GRHL2: variants seen among roughly 807,000 people sequenced by gnomAD.
GRHL2 encodes grainyhead-like protein 2 homolog.
Under a neutral mutation model 83.8 loss-of-function variants are expected in GRHL2, and 21 were observed. The ratio of observed to expected loss-of-function variants is 0.25; its 90% confidence interval spans 0.18 to 0.36. The LOEUF is 0.36. Ranked by LOEUF, GRHL2 falls within the 10% of genes least tolerant of loss-of-function variation. The pLI is 1.00. For synonymous variants in GRHL2, 280 were observed against 278.9 expected, an observed-to-expected ratio of 1.00 and a Z score of -0.04; for missense variants, 623 against 781.8, an observed-to-expected ratio of 0.80 and a Z score of 2.42.
chr8:101,608,638 A>T (rs1419813711), intron 8 of GRHL2, among the ~76,000 whole-genome samples: 1 of 152,068 alleles, frequency 6.6e-6, no homozygotes, highest in Admixed American at 6.6e-5. Flanking sequence ...TTCAAGTGAA[A>T]AGTTGAAAGA....
chr8:101,523,099 GAT>G (rs1257402849), intron 1 of GRHL2, among the ~76,000 whole-genome samples: 1 of 151,728 alleles, frequency 6.6e-6, no homozygotes. Context: ...TTTTCGTAAA[GAT>G]GGGTTTCACC....
At chr8:101,532,822 T>A (rs1391345480) in intron 1 of GRHL2, among the ~76,000 whole-genome samples, 1 of 150,102 alleles carries the variant, frequency 6.7e-6, no homozygotes, top group East Asian at 1.9e-4. Flanking sequence ...TGTGTGTGTG[T>A]GTGAGAGAGA....
intron 1 of GRHL2, among the ~76,000 whole-genome samples, chr8:101,536,582 C>A (rs1207264248): frequency 6.6e-6 from 1 of 152,104 alleles, no homozygotes; most frequent in Non-Finnish European, 1.5e-5. Flanking sequence ...GGTAACACAG[C>A]CAATAAGTGG....
At chr8:101,597,104 A>G (rs1000244805) in intron 7 of GRHL2, among the ~76,000 whole-genome samples, 1 of 152,188 alleles carries the variant, frequency 6.6e-6, no homozygotes, top group African/African-American at 2.4e-5. Context: ...AAAAAGGGAA[A>G]TAGAGTTCTG....
At chr8:101,557,925 C>T (rs1289065453) in intron 3 of GRHL2, among the ~76,000 whole-genome samples, 1 of 152,010 alleles carries the variant, frequency 6.6e-6, no homozygotes, top group Non-Finnish European at 1.5e-5. Context: ...AGTGCAATGG[C>T]GCCATCTCGA....
chr8:101,637,310 G>A (rs781003376), intron 12 of GRHL2, among the ~76,000 whole-genome samples: 1 of 152,154 alleles, frequency 6.6e-6, no homozygotes, highest in Non-Finnish European at 1.5e-5. Context: ...CTTGAGGCAA[G>A]AGTCAAAGAT....
At chr8:101,550,400 T>C (rs1277786104) in intron 2 of GRHL2, among the ~76,000 whole-genome samples, 17 of 152,184 alleles carry the variant, frequency 1.1e-4, no homozygotes, top group Non-Finnish European at 7.3e-5. Flanking sequence ...TTTATGTCAA[T>C]GTGAACCCAA....
At chr8:101,584,024 C>T (rs1456252914) in intron 7 of GRHL2, among the ~76,000 whole-genome samples, 1 of 152,218 alleles carries the variant, frequency 6.6e-6, no homozygotes, top group Non-Finnish European at 1.5e-5. Context: ...ATTCCACAAA[C>T]ACATCCAAAT....
intron 3 of GRHL2, among the ~76,000 whole-genome samples, chr8:101,553,623 CTTTT>C (rs1184533206): frequency 6.6e-3 from 703 of 106,840 alleles, no homozygotes; most frequent in African/African-American, 0.025. Context: ...TCATCCACTT[CTTTT>C]TTTTTTTTTT....
At chr8:101,520,493 C>T (rs973624050) in intron 1 of GRHL2, among the ~76,000 whole-genome samples, 6 of 152,058 alleles carry the variant, frequency 3.9e-5, no homozygotes, top group African/African-American at 1.4e-4. Context: ...TCAGTAACTG[C>T]CTTGTTGGTC....
chr8:101,618,874 A>G (rs1162991390), intron 8 of GRHL2, among the ~76,000 whole-genome samples: 1 of 152,144 alleles, frequency 6.6e-6, no homozygotes, highest in Non-Finnish European at 1.5e-5. Context: ...AGAGATTAGA[A>G]TAACTGGTAT....
intron 1 of GRHL2, among the ~76,000 whole-genome samples, chr8:101,506,630 G>A (rs1810345720): frequency 6.6e-6 from 1 of 151,986 alleles, no homozygotes; most frequent in South Asian, 2.1e-4. Context: ...ATATGTAAAG[G>A]TTTTTATCTC....
chr8:101,577,101 T>C (rs1026653185), intron 6 of GRHL2, among the ~76,000 whole-genome samples: 4 of 152,108 alleles, frequency 2.6e-5, no homozygotes, highest in Non-Finnish European at 4.4e-5. Context: ...GGGTTTCTGC[T>C]GACCTCACAA....
At chr8:101,616,359 T>G (rs991022131) in intron 8 of GRHL2, among the ~76,000 whole-genome samples, 2 of 151,884 alleles carry the variant, frequency 1.3e-5, no homozygotes, top group African/African-American at 4.8e-5. Context: ...TTAGTAGAGA[T>G]GGGGTTTCAC....
intron 1 of GRHL2, among the ~76,000 whole-genome samples, chr8:101,533,197 T>C (rs924620568): frequency 6.6e-6 from 1 of 152,132 alleles, no homozygotes; most frequent in African/African-American, 2.4e-5. Context: ...ATAGTTCAAA[T>C]TGGATTGATG....
intron 4 of GRHL2, among the ~76,000 whole-genome samples, chr8:101,565,829 A>G (rs1283346883): frequency 1.3e-5 from 2 of 152,218 alleles, no homozygotes; most frequent in Non-Finnish European, 2.9e-5. Context: ...TCTACTGTGT[A>G]TTTCATAACT....
At chr8:101,678,501 G>A in the GRHL2 span, among the ~76,000 whole-genome samples, 16 of 141,326 alleles carry the variant, frequency 1.1e-4, no homozygotes, top group East Asian at 2.7e-3. Context: ...CAGCGAGGCT[G>A]GGGAGGGGCG....
Position 101,492,596 on chromosome 8 carries a change from C to T in GRHL2, c.-174C>T. On this transcript the variant is annotated 5_prime_UTR_variant, in exon 1 of 16. Coordinates refer to ENST00000646743, the MANE Select transcript of GRHL2 (RefSeq NM_024915.4). ...CCACCTTTCCGGCTAGGTGAGGGCG[C>T]GAGCGGGCGAGCGAGCGAGAGTGGT... 1.4e-6 allele frequency: 1 copy of T among 713,662 alleles called. No individual in the cohort carries two copies. The highest frequency in any genetic ancestry group is 1.5e-5 in the South Asian group (1 of 65,244). The allele number at this position is 713,662 out of a possible 1,614,324, so 44.2% of individuals were successfully genotyped here.
chr8:101,632,740 G>A (rs1435462758), intron 11 of GRHL2, among the ~76,000 whole-genome samples: 1 of 152,198 alleles, frequency 6.6e-6, no homozygotes, highest in Non-Finnish European at 1.5e-5. Context: ...ACTGCATAAA[G>A]TTGCACAAGA....
Sources: gnomAD v4.1 joint callset for allele counts (sites outside exome capture counted in the v4.1 genomes callset) on GRCh38, gnomAD v4.1.1 for gene constraint, MANE v1.5 for transcripts, NCBI Gene and HGNC (gene_info 2026-07-23, HGNC 2026-07-21) for gene names.